The following MIS18BP1 variants were observed in gnomAD, a reference collection of about 807,000 sequenced individuals.
The protein encoded by MIS18BP1 is mis18-binding protein 1.
In MIS18BP1, 72 loss-of-function variants were observed where a neutral mutation model predicts 116.1. That is an observed-to-expected ratio of 0.62 (90% CI 0.51 to 0.75). The LOEUF (loss-of-function observed/expected upper bound fraction) is 0.75. Among genes scored for constraint, MIS18BP1 ranks in the 30% least tolerant of loss-of-function variants. The pLI, the probability that MIS18BP1 is intolerant of heterozygous loss-of-function variation, is 0.00. For missense variants in MIS18BP1, 1,363 were observed against 1,303.2 expected (o/e 1.05, Z -0.71); for synonymous variants, 386 against 427.0 (o/e 0.90, Z 1.18).
At position 45,218,264 on chromosome 14, in the gene MIS18BP1, A is replaced by T. The variant is rs779358068; in HGVS notation, c.2842+18T>A. 1.8e-5 allele frequency: 29 copies of T among 1,608,426 alleles called. No individual in the cohort carries two copies. The highest frequency in any genetic ancestry group is 2.5e-5 in the Non-Finnish European group (29 of 1,178,388). On this transcript the variant is annotated intron_variant, in intron 12 of 16. Coordinates refer to ENST00000310806, the MANE Select transcript of MIS18BP1 (RefSeq NM_018353.5). ...AACACTGAGTACTAGGAAAAAAACT[A>T]TTTACTACGAAGGTTACCATTTTGG...
chr14:45,223,589 CAAAACAA>C (rs976092023), intron 11 of MIS18BP1, among the ~76,000 whole-genome samples: 3 of 151,952 alleles, frequency 2.0e-5, no homozygotes, highest in Non-Finnish European at 4.4e-5. Flanking sequence ...CAAAACAAAA[CAAAACAA>C]AAAACAAAAA....
chr14:45,238,738 T>TCC (rs1267262059), intron 4 of MIS18BP1, among the ~76,000 whole-genome samples: 1 of 152,078 alleles, frequency 6.6e-6, no homozygotes, highest in Non-Finnish European at 1.5e-5. Context: ...GGTGGGAGGA[T>TCC]CACTTGAGCT....
chr14:45,243,949 T>A (rs1036921333), intron 2 of MIS18BP1, among the ~76,000 whole-genome samples: 1 of 152,186 alleles, frequency 6.6e-6, no homozygotes, highest in African/African-American at 2.4e-5. Context: ...GCTACCTTAT[T>A]ATATTTAAAA....
intron 6 of MIS18BP1, among the ~76,000 whole-genome samples, chr14:45,233,564 T>C (rs1254363047): frequency 1.3e-5 from 2 of 152,156 alleles, no homozygotes; most frequent in African/African-American, 2.4e-5. Context: ...AGGAGGCCAC[T>C]GTAATGATAC....
rs1890436802 is a variant in MIS18BP1, at chr14:45,203,950, G to A, written c.*159C>T. 1.1e-5 allele frequency: 11 copies of A among 1,003,208 alleles called. No homozygotes were observed. Among genetic ancestry groups the A allele is most frequent in the East Asian group, 6.4e-5 (2 of 31,480 alleles). 62.1% of individuals were successfully genotyped at this position (1,003,208 alleles called of 1,614,324 possible). ...TACATTTTTAGTAAGCTGCAGCAAT[G>A]AGGATATTTTACTTTGAACACAAAC... On this transcript the variant is annotated 3_prime_UTR_variant, in exon 17 of 17. Coordinates refer to ENST00000310806, the MANE Select transcript of MIS18BP1 (RefSeq NM_018353.5).
At chr14:45,250,757 C>G (rs1891847138) in intron 1 of MIS18BP1, among the ~76,000 whole-genome samples, 1 of 151,796 alleles carries the variant, frequency 6.6e-6, no homozygotes, top group African/African-American at 2.4e-5. Flanking sequence ...TGCGGTGGCT[C>G]ACGCCTGTAA....
chr14:45,237,819 A>C, intron 4 of MIS18BP1, 98 bp from the exon 5 acceptor site: 1 of 1,447,246 alleles, frequency 6.9e-7, no homozygotes. Flanking sequence ...TGTCTAAGTA[A>C]TCCAAATATT....
chr14:45,247,322 G>T lies in MIS18BP1; in HGVS notation c.-36C>A. The T allele has an allele frequency of 6.7e-7, 1 of 1,502,818 alleles. No homozygotes were observed. 93.1% of individuals were successfully genotyped at this position (1,502,818 alleles called of 1,614,324 possible). A position where few individuals can be genotyped will look rare whatever the true frequency, so the allele number is the denominator to read the frequency against. On this transcript the variant is annotated 5_prime_UTR_variant, in exon 2 of 17. In the 5' UTR this introduces an upstream ATG that the reference lacks. Transcript: ENST00000310806. ...AAGTAGCAACCAAGTTCTTCTAACA[G>T]AAAATTCACTTAAGCGCAATTTTCA...
At chr14:45,233,350 G>A (rs1891340255) in intron 6 of MIS18BP1, among the ~76,000 whole-genome samples, 1 of 152,104 alleles carries the variant, frequency 6.6e-6, no homozygotes, top group Admixed American at 6.6e-5. Context: ...AACAGAGGCA[G>A]TAGGAAGCAT....
chr14:45,238,369 AG>A (rs1344639521), intron 4 of MIS18BP1, among the ~76,000 whole-genome samples: 2 of 152,216 alleles, frequency 1.3e-5, no homozygotes, highest in African/African-American at 4.8e-5. Context: ...TGAGAAAAAA[AG>A]TCAAAATTTA....
Position 45,239,458 on chromosome 14 carries a change from ACAGAGAGTCAGCG to A in MIS18BP1, c.1144-1750_1144-1738del, listed in dbSNP as rs560864928. ...TATCAGCAAAAAGATTCTTCTAAGC[ACAGAGAGTCAGCG>A]CAGAGATCCAGGTAGGCAGCATGGA... On this transcript the variant is annotated intron_variant, in intron 4 of 16. Coordinates refer to ENST00000310806, the MANE Select transcript of MIS18BP1 (RefSeq NM_018353.5). 2.3e-3 allele frequency among the ~76,000 whole-genome samples: 356 copies of A among 152,348 alleles called. 1 individual carries two copies. The highest frequency in any genetic ancestry group is 8.2e-3 in the African/African-American group (343 of 41,576).
intron 8 of MIS18BP1, among the ~76,000 whole-genome samples, chr14:45,228,541 C>T (rs1242996016): frequency 6.6e-6 from 1 of 152,118 alleles, no homozygotes; most frequent in Admixed American, 6.5e-5. Flanking sequence ...AACTAAATTT[C>T]TGTAATTAAA....
intron 4 of MIS18BP1, among the ~76,000 whole-genome samples, chr14:45,239,688 A>G (rs967986451): frequency 6.6e-6 from 1 of 152,192 alleles, no homozygotes; most frequent in African/African-American, 2.4e-5. Context: ...AGATGAGACT[A>G]TATGAAGATT....
chr14:45,232,927 T>C (rs1168225567), intron 6 of MIS18BP1, 107 bp from the exon 7 acceptor site: 3 of 616,586 alleles, frequency 4.9e-6, no homozygotes, highest in South Asian at 1.9e-5. Flanking sequence ...TTGCTTAATA[T>C]GTGCCAGGTA....
In MIS18BP1 at chr14:45,224,522, T is replaced by C. The variant is rs1891071288; in HGVS notation, c.2065A>G (p.Lys689Glu). Reference protein sequence around the residue: ...TDFVIPECQKKSPISKSMGTL... With the variant: ...TDFVIPECQKESPISKSMGTL... The stretch of plus-strand genomic sequence containing the variant: ...CCCATGGACTTGCTGATGGGACTTT[T>C]TTTTTGACACTCTGGTATTACAAAA... Residue 689 changes from lysine (K) to glutamate (E), a missense_variant, in exon 11 of 17, where the codon AAA (lysine) becomes GAA (glutamate). Physicochemically the swap from Lys to Glu is moderately conservative, Grantham distance 56 (BLOSUM62 1). Coordinates refer to ENST00000310806, the MANE Select transcript of MIS18BP1 (RefSeq NM_018353.5). 2.5e-6 allele frequency: 4 copies of C among 1,611,780 alleles called. No homozygotes were observed. The East Asian group carries it at 8.9e-5, about 36-fold the overall frequency.
intron 6 of MIS18BP1, among the ~76,000 whole-genome samples, chr14:45,235,606 A>C (rs951500709): frequency 2.6e-5 from 4 of 151,892 alleles, no homozygotes; most frequent in African/African-American, 9.7e-5. Context: ...AAAAAAAAAA[A>C]ACAAAAACAC....
In MIS18BP1 at chr14:45,235,851, T is replaced by C; in HGVS notation, c.1311A>G (p.Leu437=). 1.9e-6 allele frequency: 3 copies of C among 1,609,644 alleles called. No individual in the cohort carries two copies. The highest frequency in any genetic ancestry group is 2.5e-6 in the Non-Finnish European group (3 of 1,178,224). The change falls in exon 6 of 17, where the codon TTA becomes TTG. Residue 437 remains leucine (L), a synonymous_variant. Transcript: ENST00000310806. ...TGGAAATTTGGTCTATCATGCCTTT[T>C]AATATATAAACGTTGCCTGATATAG... ...LRTISGNVYI[L]KGMIDQISMK...
chr14:45,238,213 A>C (rs1204259252), intron 4 of MIS18BP1, among the ~76,000 whole-genome samples: 5 of 151,956 alleles, frequency 3.3e-5, no homozygotes, highest in African/African-American at 1.2e-4. Context: ...ATTTTATTCC[A>C]AAGTAAACAT....
intron 15 of MIS18BP1, among the ~76,000 whole-genome samples, chr14:45,205,871 A>C (rs1890501209): frequency 6.6e-6 from 1 of 151,976 alleles, no homozygotes; most frequent in Non-Finnish European, 1.5e-5. Flanking sequence ...GTTTTTAGCC[A>C]TTTTCCCCTT....
Sources: allele counts gnomAD v4.1 joint callset (sites outside exome capture counted in the v4.1 genomes callset), GRCh38; gene constraint gnomAD v4.1.1; transcripts MANE v1.5; gene names NCBI Gene and HGNC (gene_info 2026-07-23, HGNC 2026-07-21).